Variants in B3GLCT observed in about 807,000 individuals in gnomAD.
B3GLCT encodes the protein beta 3-glucosyltransferase.
Under a neutral mutation model 63.4 loss-of-function variants are expected in B3GLCT, and 65 were observed. The observed-to-expected ratio is 1.03, with a 90% CI of 0.84 to 1.26. The LOEUF (loss-of-function observed/expected upper bound fraction) is 1.26, where lower values mean the gene tolerates loss of function less well. Among genes scored for constraint, B3GLCT ranks in the 50% most tolerant of loss-of-function variants. B3GLCT has a pLI of 0.00. For missense variants in B3GLCT, 577 were observed against 604.8 expected, an observed-to-expected ratio of 0.95 and a Z score of 0.48; for synonymous variants, 233 against 219.2, an observed-to-expected ratio of 1.06 and a Z score of -0.55.
At chr13:31,260,683 A>G (rs1041855801) in intron 6 of B3GLCT, among the ~76,000 whole-genome samples, 5 of 152,238 alleles carry the variant, frequency 3.3e-5, no homozygotes, top group Admixed American at 6.5e-5. Flanking sequence ...CAACTTTTAT[A>G]CATTTATGGT....
At chr13:31,232,002 T>G (rs1280320189) in intron 4 of B3GLCT, among the ~76,000 whole-genome samples, 1 of 152,208 alleles carries the variant, frequency 6.6e-6, no homozygotes, top group Non-Finnish European at 1.5e-5. Context: ...CTTTGGTGTC[T>G]GTCAGGATTG....
Position 31,273,612 on chromosome 13 carries a change from T to A in B3GLCT, c.661-897T>A, listed in dbSNP as rs117430302. On this transcript the variant is annotated intron_variant, in intron 8 of 14. Coordinates refer to ENST00000343307, the MANE Select transcript of B3GLCT (RefSeq NM_194318.4). ...ATCTTATTTCTTTTTTGTGTGTGAT[T>A]TTTTTTTCTCTGAGTGATTGTTCTG... Among the ~76,000 whole-genome samples, 999 of 152,222 alleles carry A rather than the reference T, an allele frequency of 6.6e-3. 2 individuals carry two copies. The highest frequency in any genetic ancestry group is 0.02 in the Middle Eastern group (6 of 294).
At chr13:31,297,088 G>T (rs1873986784) in intron 12 of B3GLCT, among the ~76,000 whole-genome samples, 1 of 150,094 alleles carries the variant, frequency 6.7e-6, no homozygotes, top group Non-Finnish European at 1.5e-5. Context: ...TATCCGTGTT[G>T]TAGCATATTG....
chr13:31,269,408 T>C (rs527684284), intron 8 of B3GLCT, 131 bp downstream of exon 8: 1 of 657,916 alleles, frequency 1.5e-6, no homozygotes, highest in East Asian at 2.8e-5. Context: ...GATAATTTCA[T>C]AGCACTCCAG....
At chr13:31,248,032 A>T (rs1871272226) in intron 6 of B3GLCT, 66 bp downstream of exon 6, 1 of 896,404 alleles carries the variant, frequency 1.1e-6, no homozygotes, top group Admixed American at 2.0e-5. Context: ...TTTAATTTTG[A>T]TTAAGAAGCT....
At chr13:31,240,467 G>GC (rs149534865) in intron 4 of B3GLCT, among the ~76,000 whole-genome samples, 3 of 129,808 alleles carry the variant, frequency 2.3e-5, no homozygotes, top group Non-Finnish European at 4.9e-5. Context: ...TGCCTCTTTA[G>GC]TTTTTTTTTT....
In B3GLCT at chr13:31,324,043, T is replaced by G; in HGVS notation, c.1329+148T>G. The G allele has an allele frequency of 2.8e-6, 3 of 1,083,428 alleles. No homozygotes were observed. The South Asian group carries it at 3.8e-5, about 14-fold the overall frequency. The allele number at this position is 1,083,428 out of a possible 1,614,324, so 67.1% of individuals were successfully genotyped here. A position where few individuals can be genotyped will look rare whatever the true frequency, so the allele number is the denominator to read the frequency against. ...CCAGGGGAATGTCCTTAACCAGGAC[T>G]GTTACCCTGTTTGATGTACACACTG... On this transcript the variant is annotated intron_variant, in intron 14 of 14. Coordinates refer to ENST00000343307, the MANE Select transcript of B3GLCT (RefSeq NM_194318.4).
In B3GLCT at chr13:31,200,003, G is replaced by GGCGGCGGCA. The variant is rs1483235964; in HGVS notation, c.-75_-67dup. On this transcript the variant is annotated 5_prime_UTR_variant, in exon 1 of 15. Transcript: ENST00000343307. ...GAAGGGTCAGCCGCGGCGGCAGGGC[G>GGCGGCGGCA]GCGGCGGCAGCGGCGCAGCTCCGCT... 40 of 834,532 alleles carry GGCGGCGGCA rather than the reference G, an allele frequency of 4.8e-5. No individual in the cohort carries two copies. The highest frequency in any genetic ancestry group is 5.9e-5 in the Non-Finnish European group (38 of 645,242). 51.7% of individuals were successfully genotyped at this position (834,532 alleles called of 1,614,324 possible). A position where few individuals can be genotyped will look rare whatever the true frequency, so the allele number is the denominator to read the frequency against.
At chr13:31,222,920 A>T (rs762380786) in intron 2 of B3GLCT, 32 bp from the exon 3 acceptor site, 2 of 1,419,944 alleles carry the variant, frequency 1.4e-6, no homozygotes, top group South Asian at 2.3e-5. Context: ...ATGTACTGAG[A>T]TTCATCTTTT....
Position 31,323,761 on chromosome 13 carries a change from A to C in B3GLCT, c.1195A>C (p.Ser399Arg). ...TCTGGCTCCCACTAGAATGGTCTTC[A>C]GCAGAGAAGCCGTCAGGAGACTTCT... Reference protein sequence around the residue: ...YITGGGGMVFSREAVRRLLAS... With the variant: ...YITGGGGMVFRREAVRRLLAS... The change falls in exon 14 of 15, where the codon AGC becomes CGC. Residue 399 changes from serine (S) to arginine (R), a missense_variant. Physicochemically the swap from Ser to Arg is moderately radical, Grantham distance 110 (BLOSUM62 -1). Transcript: ENST00000343307. The C allele has an allele frequency of 6.2e-7, 1 of 1,614,168 alleles. No individual in the cohort carries two copies. The highest frequency in any genetic ancestry group is 1.1e-5 in the South Asian group (1 of 91,080).
chr13:31,221,493 C>G (rs914626014), intron 2 of B3GLCT, among the ~76,000 whole-genome samples: 25 of 152,212 alleles, frequency 1.6e-4, no homozygotes, highest in African/African-American at 5.8e-4. Flanking sequence ...CCAGATCTAC[C>G]TGTTTCATCA....
chr13:31,242,107 AT>A (rs1199683422), intron 4 of B3GLCT, among the ~76,000 whole-genome samples: 1 of 152,176 alleles, frequency 6.6e-6, no homozygotes, highest in African/African-American at 2.4e-5. Flanking sequence ...GCTTAGAGAG[AT>A]TAATAAAATA....
At chr13:31,200,670 A>G (rs1868610449) in intron 1 of B3GLCT, among the ~76,000 whole-genome samples, 1 of 151,486 alleles carries the variant, frequency 6.6e-6, no homozygotes, top group African/African-American at 2.4e-5. Context: ...CTCCTGTTCG[A>G]CCCCCGGGGG....
intron 8 of B3GLCT, among the ~76,000 whole-genome samples, 197 bp downstream of exon 8, chr13:31,269,474 A>G (rs948294939): frequency 6.6e-6 from 1 of 152,244 alleles, no homozygotes; most frequent in African/African-American, 2.4e-5. Flanking sequence ...AAGACAGAAC[A>G]GTGAAAAAGG....
chr13:31,302,491 AG>A (rs1874274133), intron 12 of B3GLCT, among the ~76,000 whole-genome samples: 1 of 133,896 alleles, frequency 7.5e-6, no homozygotes, highest in Non-Finnish European at 1.6e-5. Context: ...GAGCCGAAGC[AG>A]GGCGAGGCAT....
rs530032321 is a variant in B3GLCT at position 31,255,561 on chromosome 13, G to A, written c.460-5385G>A. On this transcript the variant is annotated intron_variant, in intron 6 of 14. Coordinates refer to ENST00000343307, the MANE Select transcript of B3GLCT (RefSeq NM_194318.4). ...ACCTGACTTCAAACTATACTACAAG[G>A]CTACAGTAACAAAAACAGCATGGTA... Among the ~76,000 whole-genome samples the A allele has an allele frequency of 2.6e-5, 4 of 152,282 alleles. No individual in the cohort carries two copies. In the East Asian group the frequency reaches 7.7e-4, roughly 29 times the overall value.
intron 7 of B3GLCT, among the ~76,000 whole-genome samples, chr13:31,267,412 C>T (rs1872378899): frequency 6.6e-6 from 1 of 152,212 alleles, no homozygotes; most frequent in East Asian, 1.9e-4. Context: ...GTCCAAATCC[C>T]AAAGTTACCT....
Position 31,262,130 on chromosome 13 carries a change from G to A in B3GLCT, c.596+1048G>A, listed in dbSNP as rs562716750. 7.3e-5 allele frequency among the ~76,000 whole-genome samples: 11 copies of A among 151,320 alleles called. No homozygotes were observed. In the East Asian group the frequency reaches 1.2e-3, roughly 16 times the overall value. ...GGAAGAGTCGTTTGCAGTTGACAGC[G>A]GCTTCCTGATGATGGCAGAGTCTGA... is the stretch of plus-strand genomic sequence containing the variant. On this transcript the variant is annotated intron_variant, in intron 7 of 14. Coordinates refer to ENST00000343307, the MANE Select transcript of B3GLCT (RefSeq NM_194318.4).
chr13:31,294,892 G>GT lies in B3GLCT; in HGVS notation c.1064+8083dup, dbSNP rs113365232. On this transcript the variant is annotated intron_variant, in intron 12 of 14. Transcript: ENST00000343307. ...TATCCTTGGGAGAAGAGGCATTCTG[G>GT]TTTTTTTTTTGGAATTTTCAGCCAT... Among the ~76,000 whole-genome samples the GT allele has an allele frequency of 2.9e-3, 433 of 147,024 alleles. 3 individuals are homozygous for GT. The highest frequency in any genetic ancestry group is 0.013 in the East Asian group (65 of 5,026).
Sources: gnomAD v4.1 joint callset for allele counts (sites outside exome capture counted in the v4.1 genomes callset) on GRCh38, gnomAD v4.1.1 for gene constraint, MANE v1.5 for transcripts, NCBI Gene and HGNC (gene_info 2026-07-23, HGNC 2026-07-21) for gene names.